Variants in ASTN2 observed in about 807,000 individuals in gnomAD.
ASTN2 encodes astrotactin-2.
A neutral mutation model predicts 139.8 loss-of-function variants in ASTN2; 54 were observed. That is an observed-to-expected ratio of 0.39 (90% CI 0.31 to 0.48). The LOEUF (loss-of-function observed/expected upper bound fraction) is 0.48, where lower values mean the gene tolerates loss of function less well. ASTN2 is among the 20% of genes least tolerant of loss of function. The pLI is 0.95. For synonymous variants in ASTN2, 756 were observed against 719.5 expected, an observed-to-expected ratio of 1.05 and a Z score of -0.81; for missense variants, 1,565 against 1,725.1, an observed-to-expected ratio of 0.91 and a Z score of 1.64.
At chr9:117,147,928 G>T (rs1026940809) in intron 3 of ASTN2, among the ~76,000 whole-genome samples, 6 of 152,058 alleles carry the variant, frequency 3.9e-5, no homozygotes, top group African/African-American at 1.2e-4. Flanking sequence ...GACATTTCTG[G>T]GCCTGGATGG....
chr9:117,286,091 A>G (rs1834442409), intron 2 of ASTN2, among the ~76,000 whole-genome samples: 1 of 152,176 alleles, frequency 6.6e-6, no homozygotes, highest in Admixed American at 6.5e-5. Context: ...CTCACTGTTA[A>G]AAAGGGGGAG....
chr9:117,308,781 A>T (rs1189744460), intron 1 of ASTN2, among the ~76,000 whole-genome samples: 1 of 152,146 alleles, frequency 6.6e-6, no homozygotes, highest in African/African-American at 2.4e-5. Flanking sequence ...TTAAAAAAAA[A>T]AATAACAAAC....
At chr9:117,008,338 G>C in intron 6 of ASTN2, 79 bp from the exon 7 acceptor site, 1 of 1,332,142 alleles carries the variant, frequency 7.5e-7, no homozygotes, top group Non-Finnish European at 1.0e-6. Flanking sequence ...AGAAAGGTGT[G>C]TACAAGCCAC....
chr9:117,331,984 G>T (rs949545112), intron 1 of ASTN2, among the ~76,000 whole-genome samples: 2 of 151,970 alleles, frequency 1.3e-5, no homozygotes, highest in Non-Finnish European at 2.9e-5. Context: ...ACTTCACTGG[G>T]CAGGCTCCTC....
chr9:116,841,347 G>C (rs993008207), intron 11 of ASTN2, among the ~76,000 whole-genome samples: 1 of 152,194 alleles, frequency 6.6e-6, no homozygotes, highest in African/African-American at 2.4e-5. Context: ...GCTTCGGCTC[G>C]GCATGAGAGG....
chr9:117,019,043 A>T (rs959974150), intron 6 of ASTN2, among the ~76,000 whole-genome samples: 5 of 152,076 alleles, frequency 3.3e-5, no homozygotes, highest in Non-Finnish European at 7.4e-5. Context: ...AGGAAAACCT[A>T]TCCACATCAC....
chr9:116,479,646 T>C (rs781067473), intron 20 of ASTN2, among the ~76,000 whole-genome samples: 8 of 152,180 alleles, frequency 5.3e-5, no homozygotes, highest in Admixed American at 2.0e-4. Context: ...GGGGTCCTCA[T>C]GCAGACCCCA....
intron 16 of ASTN2, among the ~76,000 whole-genome samples, chr9:116,717,655 AGT>A (rs1828350626): frequency 1.3e-5 from 2 of 152,152 alleles, no homozygotes; most frequent in African/African-American, 4.8e-5. Flanking sequence ...AAAATTAAGG[AGT>A]TTAGATTCAG....
At position 116,900,408 on chromosome 9, in the gene ASTN2, C is replaced by T. The variant is rs568689313; in HGVS notation, c.1890-36675G>A. ...TTCAGGGGTGATGCTTTTTGATCTT[C>T]TCCCCCCTCACCACATTTATGGCTG... On this transcript the variant is annotated intron_variant, in intron 10 of 22. Coordinates refer to ENST00000313400, the MANE Select transcript of ASTN2 (RefSeq NM_001365068.1). Among the ~76,000 whole-genome samples the T allele has an allele frequency of 2.6e-5, 4 of 152,234 alleles. No individual in the cohort carries two copies. In the South Asian group the frequency reaches 8.3e-4, roughly 32 times the overall value.
intron 11 of ASTN2, among the ~76,000 whole-genome samples, chr9:116,822,193 C>CAAA (rs373782056): frequency 0.022 from 1,127 of 50,834 alleles, 4 homozygotes; most frequent in South Asian, 0.041. Context: ...ACCACAATAA[C>CAAA]AAAAAAAAAA....
At chr9:117,037,585 A>G (rs891193118) in intron 6 of ASTN2, among the ~76,000 whole-genome samples, 4 of 152,300 alleles carry the variant, frequency 2.6e-5, no homozygotes, top group Admixed American at 6.5e-5. Context: ...GCTCTTAGCC[A>G]TTAAACTGTT....
At chr9:117,375,968 T>A (rs1410332378) in intron 1 of ASTN2, among the ~76,000 whole-genome samples, 7 of 152,214 alleles carry the variant, frequency 4.6e-5, no homozygotes. Flanking sequence ...CACATCCCCC[T>A]CGATGAGTCT....
At chr9:116,977,365 C>T (rs184884063) in intron 7 of ASTN2, among the ~76,000 whole-genome samples, 1 of 151,940 alleles carries the variant, frequency 6.6e-6, no homozygotes, top group African/African-American at 2.4e-5. Context: ...CCTTCTACTG[C>T]CATCTCTTCT....
intron 10 of ASTN2, among the ~76,000 whole-genome samples, chr9:116,873,531 ATGGGCTAAT>A (rs1030889797): frequency 7.9e-6 from 1 of 126,314 alleles, no homozygotes; most frequent in African/African-American, 2.9e-5. Context: ...CAACATTCAC[ATGGGCTAAT>A]TATCTACTGA....
At chr9:116,900,319 T>A (rs1833975557) in intron 10 of ASTN2, among the ~76,000 whole-genome samples, 1 of 152,108 alleles carries the variant, frequency 6.6e-6, no homozygotes, top group African/African-American at 2.4e-5. Flanking sequence ...TCCCATTTTA[T>A]GAAAGAAGAC....
intron 5 of ASTN2, among the ~76,000 whole-genome samples, chr9:117,045,331 T>TTC (rs398113848): frequency 6.7e-6 from 1 of 149,958 alleles, no homozygotes; most frequent in African/African-American, 2.5e-5. Flanking sequence ...TTTTTTTTTT[T>TTC]CCAGAAGGCT....
In ASTN2 at chr9:116,614,617, T is replaced by C. The variant is rs953671383; in HGVS notation, c.3355+3707A>G. ...TGACAAATCTGACAAAAACAAGAAA[T>C]GGGGAAAGGATTCCCTATTTAATAA... On this transcript the variant is annotated intron_variant, in intron 19 of 22. Coordinates refer to ENST00000313400, the MANE Select transcript of ASTN2 (RefSeq NM_001365068.1). Among the ~76,000 whole-genome samples the C allele has an allele frequency of 1.3e-3, 200 of 152,174 alleles. 2 individuals are homozygous for C. The highest frequency in any genetic ancestry group is 6.8e-3 in the Middle Eastern group (2 of 294).
chr9:116,814,114 A>G (rs1347461144), intron 12 of ASTN2, among the ~76,000 whole-genome samples: 2 of 152,078 alleles, frequency 1.3e-5, no homozygotes, highest in African/African-American at 4.8e-5. Flanking sequence ...CAACAGGTAG[A>G]CTTGGACCAA....
intron 19 of ASTN2, among the ~76,000 whole-genome samples, chr9:116,510,916 G>A (rs1333796740): frequency 1.3e-5 from 2 of 152,116 alleles, no homozygotes; most frequent in Admixed American, 6.6e-5. Flanking sequence ...AGACAATGGG[G>A]TTTTCTAGAT....
Sources: gnomAD v4.1 joint callset for allele counts (sites outside exome capture counted in the v4.1 genomes callset) on GRCh38, gnomAD v4.1.1 for gene constraint, MANE v1.5 for transcripts, NCBI Gene and HGNC (gene_info 2026-07-23, HGNC 2026-07-21) for gene names.